The following SUCLA2 variants were observed in gnomAD, a reference collection of about 807,000 sequenced individuals.
SUCLA2 encodes succinate-CoA ligase ADP-forming subunit beta, also known as succinate--CoA ligase [ADP-forming] subunit beta, mitochondrial.
Under a neutral mutation model 54.8 loss-of-function variants are expected in SUCLA2, and 30 were observed. That is an observed-to-expected ratio of 0.55 (90% confidence interval 0.41 to 0.74). The LOEUF (loss-of-function observed/expected upper bound fraction) is 0.74. Ranked by LOEUF, SUCLA2 falls within the 30% of genes least tolerant of loss-of-function variation. The pLI, the probability that SUCLA2 is intolerant of heterozygous loss-of-function variation, is 0.00. For synonymous variants in SUCLA2, 172 were observed against 188.9 expected, an observed-to-expected ratio of 0.91 and a Z score of 0.74; for missense variants, 476 against 562.9, an observed-to-expected ratio of 0.85 and a Z score of 1.56.
chr13:47,948,524 G>A (rs1949752424), intron 10 of SUCLA2, among the ~76,000 whole-genome samples: 1 of 151,944 alleles, frequency 6.6e-6, no homozygotes, highest in Non-Finnish European at 1.5e-5. Flanking sequence ...CTAACTTTTG[G>A]ACTTCTGTAT....
intron 2 of SUCLA2, among the ~76,000 whole-genome samples, chr13:47,991,116 C>G (rs992181283): frequency 6.6e-6 from 1 of 152,202 alleles, no homozygotes; most frequent in Non-Finnish European, 1.5e-5. Flanking sequence ...AACTATATGA[C>G]CTTTGTCCCC....
intron 2 of SUCLA2, among the ~76,000 whole-genome samples, chr13:47,990,215 G>A (rs1482023560): frequency 6.6e-6 from 1 of 152,170 alleles, no homozygotes; most frequent in Non-Finnish European, 1.5e-5. Flanking sequence ...AGGCATGGTG[G>A]TACATGTCTG....
chr13:47,954,311 C>A, intron 7 of SUCLA2, 29 bp from the exon 8 acceptor site: 1 of 1,613,692 alleles, frequency 6.2e-7, no homozygotes, highest in Non-Finnish European at 8.5e-7. Flanking sequence ...TTTGTATAAG[C>A]AACAAACACA....
chr13:47,957,179 T>C (rs1949828155), intron 6 of SUCLA2, among the ~76,000 whole-genome samples: 1 of 152,316 alleles, frequency 6.6e-6, no homozygotes, highest in South Asian at 2.1e-4. Flanking sequence ...TTACACATTG[T>C]TACATTTTTT....
At position 47,949,050 on chromosome 13, in the gene SUCLA2, A is replaced by G. The variant is rs189082080; in HGVS notation, c.1229-22T>C. 9.3e-6 allele frequency: 15 copies of G among 1,609,568 alleles called. No individual in the cohort carries two copies. The African/African-American group carries it at 2.0e-4, about 21-fold the overall frequency. On this transcript the variant is annotated intron_variant, in intron 9 of 10. Coordinates refer to ENST00000646932, the MANE Select transcript of SUCLA2 (RefSeq NM_003850.3). ...GTACCTGTAAATGATTTATGCAAAT[A>G]TAAATGTTTTAAATACACACACAAA...
rs200124902 is a variant in SUCLA2, at chr13:48,001,221, G to A, written c.49C>T (p.Arg17Trp). The A allele has an allele frequency of 1.9e-6, 3 of 1,608,810 alleles. No individual in the cohort carries two copies. Among genetic ancestry groups the A allele is most frequent in the South Asian group, 1.1e-5 (1 of 90,260 alleles). The stretch of plus-strand genomic sequence containing the variant: ...TGGGCCGTCCGAGGCCGGTGGTTCC[G>A]AAGGGTGGCCACGGCCACTAGCCTG... ...YGRLVAVATLRNHRPRTAQRA... is the reference protein window; with the variant it reads ...YGRLVAVATLWNHRPRTAQRA... Residue 17 changes from arginine (R) to tryptophan (W), a missense_variant, in exon 1 of 11, where the codon CGG (arginine) becomes TGG (tryptophan). By Grantham distance (101) the Arg-to-Trp change is moderately radical. This residue lies in a region of SUCLA2 where 134 missense variants were observed against 118.7 expected (regional missense o/e 1.13). Transcript: ENST00000646932.
chr13:47,957,138 G>C (rs1949827901), intron 6 of SUCLA2, among the ~76,000 whole-genome samples: 1 of 152,096 alleles, frequency 6.6e-6, no homozygotes, highest in African/African-American at 2.4e-5. Context: ...CATCATGATT[G>C]CTTCCTTGAC....
At chr13:47,943,730 ATGTG>A (rs1343834760) in intron 10 of SUCLA2, among the ~76,000 whole-genome samples, 1 of 139,782 alleles carries the variant, frequency 7.2e-6, no homozygotes, top group Non-Finnish European at 1.5e-5. Flanking sequence ...TGTGTATAAA[ATGTG>A]TGTGTATGTA....
intron 6 of SUCLA2, among the ~76,000 whole-genome samples, chr13:47,963,538 G>A (rs151229961): frequency 1.0e-3 from 156 of 152,206 alleles, no homozygotes; most frequent in African/African-American, 3.6e-3. Context: ...CCAGCTACTC[G>A]GGGGGCCGAG....
intron 10 of SUCLA2, among the ~76,000 whole-genome samples, chr13:47,947,510 C>T (rs1593476182): frequency 1.3e-5 from 2 of 152,274 alleles, no homozygotes; most frequent in Admixed American, 1.3e-4. Context: ...AGAAGCATTA[C>T]ATATAATAAG....
intron 8 of SUCLA2, among the ~76,000 whole-genome samples, chr13:47,950,422 C>T (rs1288872751): frequency 1.3e-5 from 2 of 152,150 alleles, no homozygotes; most frequent in Non-Finnish European, 2.9e-5. Context: ...CTCTCAGATC[C>T]CCTGGCCTCT....
intron 6 of SUCLA2, among the ~76,000 whole-genome samples, chr13:47,964,749 T>C (rs1171574943): frequency 2.6e-5 from 4 of 151,910 alleles, no homozygotes; most frequent in East Asian, 3.9e-4. Context: ...CCCAGCTGCT[T>C]GGGAGGCTGA....
chr13:47,990,606 A>T (rs1397326414), intron 2 of SUCLA2, among the ~76,000 whole-genome samples: 2 of 152,138 alleles, frequency 1.3e-5, no homozygotes, highest in Non-Finnish European at 2.9e-5. Context: ...AACCTTTGAG[A>T]TCAGGGCTAA....
chr13:47,997,137 ATAT>A, intron 1 of SUCLA2, 114 bp from the exon 2 acceptor site: 2 of 1,084,366 alleles, frequency 1.8e-6, no homozygotes, highest in Non-Finnish European at 2.8e-6. Flanking sequence ...GCAAAGTACA[ATAT>A]TCAGAGTACC....
intron 4 of SUCLA2, among the ~76,000 whole-genome samples, chr13:47,981,446 C>CA (rs939379215): frequency 6.6e-5 from 10 of 152,026 alleles, no homozygotes; most frequent in Admixed American, 2.6e-4. Context: ...TGGCCACTAC[C>CA]AAAAAAACAG....
chr13:47,943,887 TCTTAA>T (rs1229770625), intron 10 of SUCLA2, among the ~76,000 whole-genome samples: 1 of 151,816 alleles, frequency 6.6e-6, no homozygotes, highest in Non-Finnish European at 1.5e-5. Flanking sequence ...AAGTATACAA[TCTTAA>T]CTTAAAATGT....
At chr13:47,977,001 G>GA (rs201766625) in intron 4 of SUCLA2, among the ~76,000 whole-genome samples, 7,435 of 132,288 alleles carry the variant, frequency 0.056, 315 homozygotes, top group African/African-American at 0.12. Flanking sequence ...ACAAGGAACA[G>GA]AAAAAAAAAA....
chr13:47,962,143 GTT>G (rs1949875930), intron 6 of SUCLA2, among the ~76,000 whole-genome samples: 2 of 151,848 alleles, frequency 1.3e-5, no homozygotes, highest in Middle Eastern at 3.4e-3. Context: ...TTTGTTTTTT[GTT>G]TTTCAGAGTC....
At chr13:47,984,273 A>C (rs1950081981) in intron 4 of SUCLA2, among the ~76,000 whole-genome samples, 2 of 151,704 alleles carry the variant, frequency 1.3e-5, no homozygotes, top group Non-Finnish European at 2.9e-5. Flanking sequence ...GGCTCACTGC[A>C]AGCTCCGTCT....
Sources: allele counts gnomAD v4.1 joint callset (sites outside exome capture counted in the v4.1 genomes callset), GRCh38; gene constraint gnomAD v4.1.1; regional missense constraint gnomAD v4.1.1; transcripts MANE v1.5; gene names NCBI Gene and HGNC (gene_info 2026-07-23, HGNC 2026-07-21).